Variants in NTRK3 observed in about 807,000 individuals in gnomAD.
The protein encoded by NTRK3 is neurotrophic receptor tyrosine kinase 3, also known as NT-3 growth factor receptor.
In NTRK3, 24 loss-of-function variants were observed where a neutral mutation model predicts 91.7. That is an observed-to-expected ratio of 0.26 (90% CI 0.19 to 0.37). The LOEUF is 0.37. NTRK3 is among the 10% of genes least tolerant of loss of function. The probability of loss-of-function intolerance (pLI) is 1.00; values close to 1 mark genes in which losing one functional copy is unlikely to be tolerated. For synonymous variants in NTRK3, 483 were observed against 404.0 expected, an observed-to-expected ratio of 1.20 and a Z score of -2.34; for missense variants, 880 against 1,068.9, an observed-to-expected ratio of 0.82 and a Z score of 2.46.
intron 6 of NTRK3, among the ~76,000 whole-genome samples, chr15:88,146,557 G>A (rs971193789): frequency 2.6e-5 from 4 of 152,120 alleles, no homozygotes; most frequent in African/African-American, 7.2e-5. Flanking sequence ...AGATGACCCC[G>A]ATGAATCACT....
intron 14 of NTRK3, among the ~76,000 whole-genome samples, chr15:87,961,507 A>C (rs2072286433): frequency 6.6e-6 from 1 of 152,220 alleles, no homozygotes; most frequent in African/African-American, 2.4e-5. Context: ...TTGAGCACCC[A>C]CTTTTCTGGG....
At chr15:88,195,798 A>G (rs867804484) in intron 3 of NTRK3, among the ~76,000 whole-genome samples, 22 of 152,208 alleles carry the variant, frequency 1.4e-4, no homozygotes, top group African/African-American at 5.3e-4. Context: ...AGCCTGAGTG[A>G]GAAGGAGTTT....
intron 14 of NTRK3, among the ~76,000 whole-genome samples, chr15:87,957,807 C>G (rs2071829078): frequency 6.6e-6 from 1 of 152,202 alleles, no homozygotes; most frequent in Non-Finnish European, 1.5e-5. Context: ...GAAGTTACAC[C>G]TGAAGTCGGT....
At chr15:87,978,537 A>G (rs1300178531) in intron 14 of NTRK3, 1 of 228,572 alleles carries the variant, frequency 4.4e-6, no homozygotes, top group Non-Finnish European at 8.7e-6. Context: ...TAGGATGGCC[A>G]GTTCATGGGT....
At chr15:88,140,494 T>C (rs1193022550) in intron 6 of NTRK3, among the ~76,000 whole-genome samples, 1 of 152,182 alleles carries the variant, frequency 6.6e-6, no homozygotes, top group Non-Finnish European at 1.5e-5. Flanking sequence ...AAACTTTTGG[T>C]TTCAGAACTC....
At chr15:87,944,422 C>G (rs2070219190) in intron 14 of NTRK3, among the ~76,000 whole-genome samples, 1 of 152,240 alleles carries the variant, frequency 6.6e-6, no homozygotes, top group South Asian at 2.1e-4. Flanking sequence ...GTGTTCAACA[C>G]TTGATTCTCA....
chr15:88,067,839 T>C (rs1356696449), intron 13 of NTRK3, among the ~76,000 whole-genome samples: 2 of 152,210 alleles, frequency 1.3e-5, no homozygotes, highest in South Asian at 2.1e-4. Flanking sequence ...AGATTAAGTG[T>C]AATATACATG....
At chr15:88,159,433 G>A (rs747588592) in intron 5 of NTRK3, among the ~76,000 whole-genome samples, 1 of 152,122 alleles carries the variant, frequency 6.6e-6, no homozygotes, top group South Asian at 2.1e-4. Context: ...CAAATTACCA[G>A]GCCTCCTGAG....
intron 5 of NTRK3, among the ~76,000 whole-genome samples, chr15:88,183,012 A>ACCCCCCCCCCCCCCCCCCC (rs370707792): frequency 2.1e-4 from 25 of 119,962 alleles, no homozygotes; most frequent in African/African-American, 4.0e-4. Context: ...TCTTCTTGCA[A>ACCCCCCCCCCCCCCCCCCC]CCCCCCCCCG....
intron 13 of NTRK3, among the ~76,000 whole-genome samples, chr15:88,110,367 G>C (rs1215588469): frequency 6.6e-6 from 1 of 152,190 alleles, no homozygotes; most frequent in Admixed American, 6.5e-5. Context: ...AGAGCTGTTG[G>C]ATGGAGGAGA....
exon 19 of NTRK3, chr15:87,869,423 T>C (rs2064768014): frequency 8.9e-6 from 2 of 224,712 alleles, no homozygotes; most frequent in Non-Finnish European, 1.8e-5. Context: ...AGCACTGAAA[T>C]TACTCCAGGG....
intron 13 of NTRK3, among the ~76,000 whole-genome samples, chr15:88,061,691 C>T (rs916179829): frequency 1.3e-5 from 2 of 152,206 alleles, no homozygotes; most frequent in African/African-American, 4.8e-5. Context: ...GAACTCAGGC[C>T]AGAGCAGACG....
At position 88,017,499 on chromosome 15, in the gene NTRK3, ATAAAAG is replaced by A. The variant is rs201198918; in HGVS notation, c.1585+15352_1585+15357del. Reference sequence around the variant, plus strand: ...ACTTCTGCTCTTAACTTCAGAGGAAATAAAAGGGAGAATCCAGAACCTGTGATGTCT... The same window carrying A: ...ACTTCTGCTCTTAACTTCAGAGGAAAGGAGAATCCAGAACCTGTGATGTCT... On this transcript the variant is annotated intron_variant, in intron 14 of 18. Coordinates refer to ENST00000394480, the Ensembl canonical transcript of NTRK3. Among the ~76,000 whole-genome samples the A allele has an allele frequency of 2.0e-4, 31 of 152,362 alleles. 1 individual carries two copies. The East Asian group carries it at 5.8e-3, about 28-fold the overall frequency.
exon 19 of NTRK3, chr15:87,859,894 G>C (rs1276618531): frequency 5.4e-6 from 1 of 183,648 alleles, no homozygotes; most frequent in African/African-American, 2.4e-5. Context: ...ACAGACATAT[G>C]ACCAAGGAGT....
At chr15:88,050,946 G>A (rs1596997947) in intron 13 of NTRK3, among the ~76,000 whole-genome samples, 1 of 152,140 alleles carries the variant, frequency 6.6e-6, no homozygotes, top group Non-Finnish European at 1.5e-5. Flanking sequence ...TATGATAAGA[G>A]AGCATATATA....
chr15:88,090,434 T>C (rs1026017446), intron 13 of NTRK3, among the ~76,000 whole-genome samples: 2 of 149,102 alleles, frequency 1.3e-5, no homozygotes, highest in African/African-American at 5.1e-5. Flanking sequence ...AAGGACAGCG[T>C]GCCCTAGGCA....
chr15:88,216,172 G>A (rs559786947), intron 3 of NTRK3, among the ~76,000 whole-genome samples: 3 of 152,268 alleles, frequency 2.0e-5, no homozygotes, highest in South Asian at 2.1e-4. Context: ...GGGTGAGAGC[G>A]AGTTGTTATG....
At chr15:88,040,628 T>C (rs903871525) in intron 13 of NTRK3, among the ~76,000 whole-genome samples, 5 of 152,200 alleles carry the variant, frequency 3.3e-5, no homozygotes, top group African/African-American at 9.7e-5. Flanking sequence ...TTACAGATCA[T>C]TGACAATCCT....
chr15:88,019,862 G>C (rs2077486031), intron 14 of NTRK3, among the ~76,000 whole-genome samples: 1 of 152,186 alleles, frequency 6.6e-6, no homozygotes, highest in African/African-American at 2.4e-5. Context: ...AAGTGAGTCA[G>C]GATTATCTTG....
Sources: allele counts gnomAD v4.1 joint callset (sites outside exome capture counted in the v4.1 genomes callset), GRCh38; gene constraint gnomAD v4.1.1; transcripts MANE v1.5; gene names NCBI Gene and HGNC (gene_info 2026-07-23, HGNC 2026-07-21).